OR6N1: variants seen among roughly 807,000 people sequenced by gnomAD.
The protein encoded by OR6N1 is olfactory receptor 6N1.
For missense variants in OR6N1, 394 were observed against 371.7 expected (o/e 1.06, Z -0.49); for synonymous variants, 170 against 150.7 (o/e 1.13, Z -0.94).
chr1:158,796,390 T>C, the OR6N1 span, among the ~76,000 whole-genome samples: 1 of 152,250 alleles, frequency 6.6e-6, no homozygotes, highest in Admixed American at 6.5e-5. Context: ...TTTCTATGTC[T>C]TGTAGGCTTC....
the OR6N1 span, among the ~76,000 whole-genome samples, chr1:158,806,792 C>T: frequency 6.6e-6 from 1 of 152,032 alleles, no homozygotes; most frequent in African/African-American, 2.4e-5. Context: ...TGTACCAACA[C>T]CTTTCCATCT....
At chr1:158,769,087 G>T (rs1657348240) in intron 1 of OR6N1, among the ~76,000 whole-genome samples, 1 of 152,108 alleles carries the variant, frequency 6.6e-6, no homozygotes, top group Non-Finnish European at 1.5e-5. Context: ...CTGCTAATTT[G>T]CATATGCAGT....
In OR6N1 at chr1:158,765,367, AT is replaced by A. The variant is rs1248754870; in HGVS notation, c.*376del. 2 of 163,450 alleles carry A rather than the reference AT, an allele frequency of 1.2e-5. No individual in the cohort carries two copies. The highest frequency in any genetic ancestry group is 3.5e-4 in the East Asian group (2 of 5,724). 10.1% of individuals were successfully genotyped at this position (163,450 alleles called of 1,614,324 possible). A position where few individuals can be genotyped will look rare whatever the true frequency, so the allele number is the denominator to read the frequency against. Reference sequence around the variant, plus strand: ...TGGTACAAAAAACATCATGAATCACATTTTGTTTAGGACATGCCTGACTATA... The same window carrying A: ...TGGTACAAAAAACATCATGAATCACATTTGTTTAGGACATGCCTGACTATA... On this transcript the variant is annotated 3_prime_UTR_variant, in exon 2 of 2. Transcript: ENST00000641846.
At chr1:158,812,929 C>G in the OR6N1 span, among the ~76,000 whole-genome samples, 1 of 152,096 alleles carries the variant, frequency 6.6e-6, no homozygotes, top group Non-Finnish European at 1.5e-5. Flanking sequence ...ACACACAGTT[C>G]CTTTCCTTAA....
the OR6N1 span, among the ~76,000 whole-genome samples, chr1:158,788,866 C>T: frequency 1.1e-4 from 16 of 151,990 alleles, no homozygotes; most frequent in Non-Finnish European, 4.4e-5. Flanking sequence ...TTATACATAA[C>T]CTTTGACTTG....
At chr1:158,799,599 C>A in the OR6N1 span, among the ~76,000 whole-genome samples, 1 of 152,142 alleles carries the variant, frequency 6.6e-6, no homozygotes, top group Non-Finnish European at 1.5e-5. Flanking sequence ...GTTGAAAAGA[C>A]ATTTATCTAT....
At chr1:158,792,392 A>G in the OR6N1 span, among the ~76,000 whole-genome samples, 1 of 152,128 alleles carries the variant, frequency 6.6e-6, no homozygotes, top group Non-Finnish European at 1.5e-5. Flanking sequence ...GATCATTTAC[A>G]TTCAATGTTA....
chr1:158,835,307 G>C, the OR6N1 span, among the ~76,000 whole-genome samples: 1 of 152,062 alleles, frequency 6.6e-6, no homozygotes, highest in Non-Finnish European at 1.5e-5. Context: ...TCAAAGTGTT[G>C]TATAATTTAC....
At chr1:158,792,140 T>G in the OR6N1 span, among the ~76,000 whole-genome samples, 40 of 152,336 alleles carry the variant, frequency 2.6e-4, no homozygotes, top group Admixed American at 1.3e-3. Context: ...TTTTTTAACA[T>G]TATATAGTAA....
the OR6N1 span, among the ~76,000 whole-genome samples, chr1:158,818,395 C>A: frequency 2.0e-5 from 3 of 152,150 alleles, no homozygotes; most frequent in South Asian, 2.1e-4. Flanking sequence ...AAAAAAGGGT[C>A]AATTTTCAGT....
Position 158,764,510 on chromosome 1 carries a change from G to T in OR6N1, c.*1234C>A, listed in dbSNP as rs528776997. On this transcript the variant is annotated 3_prime_UTR_variant, in exon 2 of 2. Coordinates refer to ENST00000641846, the MANE Select transcript of OR6N1 (RefSeq NM_001005185.2). ...GATATATAGTAAGAGCTAAATAAACGTGTTAATTTGAATGCATGGATGGAT... is the reference window on the plus strand; with the variant it reads ...GATATATAGTAAGAGCTAAATAAACTTGTTAATTTGAATGCATGGATGGAT... 3.9e-5 allele frequency: 6 copies of T among 152,096 alleles called. No homozygotes were observed. The highest frequency in any genetic ancestry group is 8.8e-5 in the Non-Finnish European group (6 of 67,948). 9.4% of individuals were successfully genotyped at this position (152,096 alleles called of 1,614,324 possible). A position where few individuals can be genotyped will look rare whatever the true frequency, so the allele number is the denominator to read the frequency against.
chr1:158,770,252 T>C (rs1424834557), intron 1 of OR6N1, among the ~76,000 whole-genome samples: 2 of 152,178 alleles, frequency 1.3e-5, no homozygotes, highest in African/African-American at 4.8e-5. Flanking sequence ...ATACATTGTA[T>C]CATCACTCAT....
chr1:158,826,206 A>G, the OR6N1 span, among the ~76,000 whole-genome samples: 1 of 152,174 alleles, frequency 6.6e-6, no homozygotes, highest in Admixed American at 6.5e-5. Flanking sequence ...TAATCTGCAC[A>G]TCAAATCCCC....
the OR6N1 span, among the ~76,000 whole-genome samples, chr1:158,824,023 G>T: frequency 6.6e-6 from 1 of 150,776 alleles, no homozygotes; most frequent in Non-Finnish European, 1.5e-5. Flanking sequence ...ATGACTTTCA[G>T]AAATTTTCTT....
the OR6N1 span, among the ~76,000 whole-genome samples, chr1:158,817,052 C>T: frequency 0.017 from 2,577 of 152,176 alleles, 64 homozygotes; most frequent in African/African-American, 0.059. Flanking sequence ...TTGGGATAAT[C>T]CTCTCTTAGA....
upstream of OR6N1, chr1:158,775,768 A>G (rs1571609443): frequency 6.6e-6 from 1 of 152,322 alleles, no homozygotes; most frequent in East Asian, 1.9e-4. Flanking sequence ...TACATTAATA[A>G]TTGATTGGAA....
intron 1 of OR6N1, among the ~76,000 whole-genome samples, chr1:158,767,097 C>T (rs950923803): frequency 1.2e-4 from 19 of 152,054 alleles, no homozygotes; most frequent in Admixed American, 5.2e-4. Flanking sequence ...ATATTGATAC[C>T]GTACTGGACC....
the OR6N1 span, among the ~76,000 whole-genome samples, chr1:158,802,310 C>T: frequency 4.7e-5 from 7 of 148,244 alleles, no homozygotes; most frequent in South Asian, 2.1e-4. Flanking sequence ...CAGGTTCAAG[C>T]GATTCTCCTG....
upstream of OR6N1, chr1:158,776,817 T>C: frequency 6.2e-7 from 1 of 1,614,090 alleles, no homozygotes; most frequent in Middle Eastern, 1.6e-4. Flanking sequence ...CTATAGCAAG[T>C]GTTCGGTCAA....
Sources: gnomAD v4.1 joint callset for allele counts (sites outside exome capture counted in the v4.1 genomes callset) on GRCh38, gnomAD v4.1.1 for gene constraint, MANE v1.5 for transcripts, NCBI Gene and HGNC (gene_info 2026-07-23, HGNC 2026-07-21) for gene names.